CCSER1: variants seen among roughly 807,000 people sequenced by gnomAD.
CCSER1 encodes the protein coiled-coil serine rich protein 1, also known as serine-rich coiled-coil domain-containing protein 1.
A neutral mutation model predicts 82.0 loss-of-function variants in CCSER1; 41 were observed. The ratio of observed to expected loss-of-function variants is 0.50; its 90% CI spans 0.39 to 0.65. The LOEUF (loss-of-function observed/expected upper bound fraction) is 0.65, where lower values mean the gene tolerates loss of function less well. Among genes scored for constraint, CCSER1 ranks in the 30% least tolerant of loss-of-function variants. The pLI is 0.00. For synonymous variants in CCSER1, 414 were observed against 383.9 expected (o/e 1.08, Z -0.92); for missense variants, 1,119 against 1,064.2 (o/e 1.05, Z -0.72).
intron 8 of CCSER1, among the ~76,000 whole-genome samples, chr4:90,836,320 G>T (rs954076874): frequency 4.0e-5 from 6 of 151,878 alleles, no homozygotes; most frequent in South Asian, 2.1e-4. Flanking sequence ...GTCACAAACT[G>T]CACAAAAGCT....
At chr4:91,141,011 T>C (rs1728972566) in intron 10 of CCSER1, among the ~76,000 whole-genome samples, 1 of 152,166 alleles carries the variant, frequency 6.6e-6, no homozygotes, top group Non-Finnish European at 1.5e-5. Flanking sequence ...GCCATGTTTA[T>C]GGTCATGTAT....
At chr4:90,782,040 A>G (rs1753848557) in intron 7 of CCSER1, 1 of 763,606 alleles carries the variant, frequency 1.3e-6, no homozygotes, top group Admixed American at 6.3e-5. Context: ...TGTGAAAGGC[A>G]GTAAAATTAT....
At chr4:91,254,387 G>A (rs1305560941) in intron 10 of CCSER1, among the ~76,000 whole-genome samples, 4 of 152,154 alleles carry the variant, frequency 2.6e-5, no homozygotes, top group African/African-American at 9.7e-5. Context: ...GAGAAATTCT[G>A]ATGTGCTTCA....
rs1385016724 is a variant in CCSER1, at chr4:90,308,901, A to G, written c.617A>G (p.Gln206Arg). The G allele has an allele frequency of 6.2e-7, 1 of 1,613,928 alleles. No homozygotes were observed. Among genetic ancestry groups the G allele is most frequent in the Non-Finnish European group, 8.5e-7 (1 of 1,179,850 alleles). ...AGCCAATCCATTTCATTGGTACAAC[A>G]GTCTGAATTCTCATTGGAAGTTACA... Reference protein sequence around the residue: ...LQSQSISLVQQSEFSLEVTQY... With the variant: ...LQSQSISLVQRSEFSLEVTQY... The change falls in exon 2 of 11, where the codon CAG (glutamine) becomes CGG (arginine). Residue 206 changes from glutamine to arginine, a missense_variant. Gln to Arg is a conservative substitution (Grantham distance 43). Coordinates refer to ENST00000509176, the MANE Select transcript of CCSER1 (RefSeq NM_001145065.2).
At chr4:90,797,589 T>G (rs1756217063) in intron 7 of CCSER1, among the ~76,000 whole-genome samples, 1 of 152,166 alleles carries the variant, frequency 6.6e-6, no homozygotes, top group Non-Finnish European at 1.5e-5. Context: ...GTAATTTAGT[T>G]TATTTTTGTA....
intron 7 of CCSER1, among the ~76,000 whole-genome samples, chr4:90,737,674 CTA>C (rs768058506): frequency 9.2e-5 from 14 of 152,112 alleles, no homozygotes; most frequent in Non-Finnish European, 1.8e-4. Flanking sequence ...TTGGGAAGTA[CTA>C]TGTTATTGTC....
chr4:91,063,714 T>C (rs1744141062), intron 9 of CCSER1, among the ~76,000 whole-genome samples: 1 of 152,168 alleles, frequency 6.6e-6, no homozygotes, highest in Non-Finnish European at 1.5e-5. Context: ...TTCTTTAGGC[T>C]TAAGCCTAAA....
At chr4:90,267,288 A>G (rs1275831615) in intron 1 of CCSER1, among the ~76,000 whole-genome samples, 1 of 151,828 alleles carries the variant, frequency 6.6e-6, no homozygotes, top group Non-Finnish European at 1.5e-5. Flanking sequence ...AGGGGGAAAG[A>G]CTTTGTCATG....
At chr4:90,551,921 T>C (rs1334467095) in intron 5 of CCSER1, among the ~76,000 whole-genome samples, 1 of 151,974 alleles carries the variant, frequency 6.6e-6, no homozygotes, top group Non-Finnish European at 1.5e-5. Flanking sequence ...AGGACCAAAG[T>C]GCTGGCAGGT....
intron 3 of CCSER1, among the ~76,000 whole-genome samples, chr4:90,326,940 G>A (rs1738331419): frequency 1.3e-5 from 2 of 152,096 alleles, no homozygotes; most frequent in South Asian, 4.1e-4. Context: ...CATTTTTCAG[G>A]GAACCATAGC....
chr4:90,220,551 T>A (rs1460225333), intron 1 of CCSER1, among the ~76,000 whole-genome samples: 1 of 152,140 alleles, frequency 6.6e-6, no homozygotes, highest in Admixed American at 6.6e-5. Context: ...GAAATCAGGT[T>A]TGATGGGCTT....
At chr4:90,427,191 G>A (rs2153564359) in intron 4 of CCSER1, among the ~76,000 whole-genome samples, 1 of 151,980 alleles carries the variant, frequency 6.6e-6, no homozygotes, top group East Asian at 1.9e-4. Context: ...CAGTCACTTA[G>A]TTCTTCCAGG....
intron 9 of CCSER1, among the ~76,000 whole-genome samples, chr4:91,046,995 G>A (rs1057143822): frequency 2.0e-4 from 31 of 151,982 alleles, no homozygotes; most frequent in Admixed American, 2.0e-3. Flanking sequence ...GGATTACAGG[G>A]TGATATGTTT....
At chr4:91,350,468 T>C (rs1560604964) in intron 10 of CCSER1, among the ~76,000 whole-genome samples, 1 of 152,176 alleles carries the variant, frequency 6.6e-6, no homozygotes, top group African/African-American at 2.4e-5. Context: ...GTCATTTAAA[T>C]GCATTTTCTG....
intron 6 of CCSER1, among the ~76,000 whole-genome samples, chr4:90,634,693 G>T (rs556323150): frequency 5.9e-5 from 9 of 151,898 alleles, no homozygotes; most frequent in Non-Finnish European, 1.2e-4. Context: ...AATGGCCACA[G>T]TGGAGAGTCA....
At chr4:90,356,852 A>G (rs1744450826) in intron 3 of CCSER1, among the ~76,000 whole-genome samples, 1 of 151,878 alleles carries the variant, frequency 6.6e-6, no homozygotes, top group Admixed American at 6.6e-5. Context: ...TGATATTTAC[A>G]CCATAACTTA....
intron 10 of CCSER1, among the ~76,000 whole-genome samples, chr4:91,185,617 G>A (rs898350421): frequency 6.6e-6 from 1 of 152,218 alleles, no homozygotes; most frequent in African/African-American, 2.4e-5. Context: ...GCCCAGGACA[G>A]GCCCCTCATG....
intron 7 of CCSER1, among the ~76,000 whole-genome samples, chr4:90,741,233 A>G (rs1746511660): frequency 6.6e-6 from 1 of 152,262 alleles, no homozygotes; most frequent in African/African-American, 2.4e-5. Context: ...AAGAATTTTA[A>G]GAAACTGAGT....
intron 10 of CCSER1, among the ~76,000 whole-genome samples, chr4:91,145,537 A>C (rs1043954932): frequency 6.6e-6 from 1 of 151,988 alleles, no homozygotes; most frequent in Non-Finnish European, 1.5e-5. Flanking sequence ...GTGTAGTTAC[A>C]TTTTAGGGTC....
Sources: gnomAD v4.1 joint callset for allele counts (sites outside exome capture counted in the v4.1 genomes callset) on GRCh38, gnomAD v4.1.1 for gene constraint, MANE v1.5 for transcripts, NCBI Gene and HGNC (gene_info 2026-07-23, HGNC 2026-07-21) for gene names.